The following FBXO21 variants were observed in gnomAD, a reference collection of about 807,000 sequenced individuals.
FBXO21 encodes F-box protein 21, also known as F-box only protein 21.
FBXO21 carries 32 observed loss-of-function variants against 76.6 expected under a neutral mutation model. The ratio of observed to expected loss-of-function variants is 0.42; its 90% CI spans 0.32 to 0.56. The LOEUF (loss-of-function observed/expected upper bound fraction) is 0.56. Ranked by LOEUF, FBXO21 falls within the 20% of genes least tolerant of loss-of-function variation. The probability of loss-of-function intolerance (pLI) is 0.16; values close to 1 mark genes in which losing one functional copy is unlikely to be tolerated. For missense variants in FBXO21, 586 were observed against 797.3 expected (o/e 0.73, Z 3.19); for synonymous variants, 328 against 311.5 (o/e 1.05, Z -0.56).
At chr12:117,176,579 G>A (rs1482113219) in intron 4 of FBXO21, among the ~76,000 whole-genome samples, 1 of 152,002 alleles carries the variant, frequency 6.6e-6, no homozygotes, top group Non-Finnish European at 1.5e-5. Context: ...GGCTGGCACT[G>A]GTATTTTGGC....
chr12:117,172,001 C>T (rs1454766909), intron 7 of FBXO21, among the ~76,000 whole-genome samples: 1 of 152,186 alleles, frequency 6.6e-6, no homozygotes, highest in Non-Finnish European at 1.5e-5. Context: ...ATCTCCCCTG[C>T]TTTCTTTCCC....
At chr12:117,183,971 A>C (rs910801617) in intron 3 of FBXO21, among the ~76,000 whole-genome samples, 5 of 152,012 alleles carry the variant, frequency 3.3e-5, no homozygotes, top group Admixed American at 2.0e-4. Context: ...ATTATCTTTT[A>C]TTCTGGGATG....
chr12:117,148,293 G>A (rs887941329), intron 11 of FBXO21, among the ~76,000 whole-genome samples: 1 of 152,234 alleles, frequency 6.6e-6, no homozygotes, highest in Non-Finnish European at 1.5e-5. Flanking sequence ...TCACAGACAC[G>A]TCATGTGCAG....
intron 1 of FBXO21, 143 bp from the exon 2 acceptor site, chr12:117,189,505 C>A (rs1267798447): frequency 4.0e-6 from 3 of 752,656 alleles, no homozygotes; most frequent in Non-Finnish European, 6.6e-6. Flanking sequence ...CAAAACCCCA[C>A]CAGCATTCAC....
chr12:117,187,139 C>T (rs374285911), intron 2 of FBXO21, among the ~76,000 whole-genome samples: 1 of 149,618 alleles, frequency 6.7e-6, no homozygotes, highest in African/African-American at 2.5e-5. Context: ...AAGGCGGCGG[C>T]GGCAGGTGCA....
chr12:117,155,894 G>A lies in FBXO21; in HGVS notation c.1572C>T (p.His524=), dbSNP rs1397622089. ...GGACGTTCATGTTCCGGATCCACTC[G>A]TGTCCCATCATGCAGGTGGGGTCCC... ...YGWDPTCMMG[H]EWIRNMNVHS... is the part of the protein sequence containing the mutation. Residue 524 remains histidine (H), a synonymous_variant, in exon 11 of 12, where the codon CAC becomes CAT. Coordinates refer to ENST00000622495, the MANE Select transcript of FBXO21 (RefSeq NM_015002.3). 6.2e-6 allele frequency: 10 copies of A among 1,614,172 alleles called. No homozygotes were observed. Among genetic ancestry groups the A allele is most frequent in the South Asian group, 2.2e-5 (2 of 91,072 alleles).
At chr12:117,190,114 G>A in intron 1 of FBXO21, 104 bp downstream of exon 1, 2 of 516,206 alleles carry the variant, frequency 3.9e-6, no homozygotes, top group African/African-American at 4.2e-5. Flanking sequence ...TCCGGGGTGG[G>A]GTCCGCGCGC....
chr12:117,172,135 G>C lies in FBXO21; in HGVS notation c.1013+336C>G, dbSNP rs79464745. Among the ~76,000 whole-genome samples the C allele has an allele frequency of 1.1e-3, 167 of 152,322 alleles. 1 individual carries two copies. Among genetic ancestry groups the C allele is most frequent in the African/African-American group, 3.9e-3 (163 of 41,576 alleles). ...CTGCTTTGGAACAAAGGGACTCTGA[G>C]AACCACAGAGGACCCTGAAATCAGA... On this transcript the variant is annotated intron_variant, in intron 7 of 11. Coordinates refer to ENST00000622495, the MANE Select transcript of FBXO21 (RefSeq NM_015002.3).
chr12:117,156,045 G>A, intron 10 of FBXO21, 97 bp from the exon 11 acceptor site: 1 of 1,120,624 alleles, frequency 8.9e-7, no homozygotes, highest in Non-Finnish European at 1.3e-6. Flanking sequence ...TCAGTTACCT[G>A]CTTTACTCCA....
intron 4 of FBXO21, among the ~76,000 whole-genome samples, chr12:117,176,616 T>C (rs2135877057): frequency 6.6e-6 from 1 of 152,128 alleles, no homozygotes; most frequent in East Asian, 1.9e-4. Context: ...GGGGGTAATG[T>C]TCATGAAAGC....
chr12:117,166,140 A>C (rs554917983), intron 8 of FBXO21, among the ~76,000 whole-genome samples: 1 of 150,716 alleles, frequency 6.6e-6, no homozygotes, highest in Admixed American at 6.6e-5. Context: ...TGGTGAACTG[A>C]GATCACGCCA....
At chr12:117,189,100 AAGTG>A in intron 2 of FBXO21, 123 bp downstream of exon 2, 6 of 1,036,454 alleles carry the variant, frequency 5.8e-6, no homozygotes, top group Non-Finnish European at 8.8e-6. Context: ...GCAGCCATCT[AAGTG>A]AGTAAGGGAT....
In FBXO21 at chr12:117,145,935, AT is replaced by A; in HGVS notation, c.*151del. On this transcript the variant is annotated 3_prime_UTR_variant, in exon 12 of 12. Coordinates refer to ENST00000622495, the MANE Select transcript of FBXO21 (RefSeq NM_015002.3). ...TTGCAGCTGGGGAAGAGCACACGGT[AT>A]TTAAACTTAGTAGGAGGCAACCAGC... 1 of 563,540 alleles carries A rather than the reference AT, an allele frequency of 1.8e-6. No individual in the cohort carries two copies. 34.9% of individuals were successfully genotyped at this position (563,540 alleles called of 1,614,324 possible). A position where few individuals can be genotyped will look rare whatever the true frequency, so the allele number is the denominator to read the frequency against.
intron 7 of FBXO21, among the ~76,000 whole-genome samples, chr12:117,170,253 A>G (rs192095187): frequency 1.3e-5 from 2 of 152,256 alleles, no homozygotes; most frequent in Admixed American, 6.5e-5. Flanking sequence ...CAACCTAAAC[A>G]GAGTGGTCCA....
At chr12:117,164,426 A>ATGCG (rs1956026545) in intron 9 of FBXO21, among the ~76,000 whole-genome samples, 1 of 151,738 alleles carries the variant, frequency 6.6e-6, no homozygotes, top group African/African-American at 2.4e-5. Context: ...ACAGGTTCCC[A>ATGCG]CCACCACGCC....
intron 9 of FBXO21, among the ~76,000 whole-genome samples, chr12:117,164,362 C>T (rs530982848): frequency 6.6e-6 from 1 of 151,510 alleles, no homozygotes. Flanking sequence ...CTGCAACCTC[C>T]GCCTCCTGGG....
chr12:117,152,260 A>G (rs1052269733), intron 11 of FBXO21, among the ~76,000 whole-genome samples: 1 of 152,188 alleles, frequency 6.6e-6, no homozygotes, highest in Non-Finnish European at 1.5e-5. Flanking sequence ...TGAGTCCAGG[A>G]CTTCGAGACC....
At position 117,183,106 on chromosome 12, in the gene FBXO21, T is replaced by C. The variant is rs80051835; in HGVS notation, c.470+3371A>G. Among the ~76,000 whole-genome samples, 466 of 152,116 alleles carry C rather than the reference T, an allele frequency of 3.1e-3. 2 individuals are homozygous for C. Among genetic ancestry groups the C allele is most frequent in the African/African-American group, 0.01 (430 of 41,512 alleles). On this transcript the variant is annotated intron_variant, in intron 3 of 11. Coordinates refer to ENST00000622495, the MANE Select transcript of FBXO21 (RefSeq NM_015002.3). ...GAGACTCTGTTTCTAAAACAAACAA[T>C]CCTTTTTTAAGGTCAAAATATGTGT...
chr12:117,146,344 A>G, intron 11 of FBXO21, 67 bp from the exon 12 acceptor site: 1 of 1,376,560 alleles, frequency 7.3e-7, no homozygotes, highest in Non-Finnish European at 1.0e-6. Flanking sequence ...TTTCATCCAG[A>G]GAACCTCCCA....
Sources: gnomAD v4.1 joint callset for allele counts (sites outside exome capture counted in the v4.1 genomes callset) on GRCh38, gnomAD v4.1.1 for gene constraint, MANE v1.5 for transcripts, NCBI Gene and HGNC (gene_info 2026-07-23, HGNC 2026-07-21) for gene names.